SV2B: variants seen among roughly 807,000 people sequenced by gnomAD.
SV2B encodes solute carrier family 22 member B2.
A neutral mutation model predicts 73.9 loss-of-function variants in SV2B; 41 were observed. The ratio of observed to expected loss-of-function variants is 0.56; its 90% CI spans 0.43 to 0.72. The LOEUF (loss-of-function observed/expected upper bound fraction) is 0.72, where lower values mean the gene tolerates loss of function less well. Ranked by LOEUF, SV2B falls within the 30% of genes least tolerant of loss-of-function variation. The probability of loss-of-function intolerance (pLI) is 0.00; values close to 1 mark genes in which losing one functional copy is unlikely to be tolerated. For missense variants in SV2B, 764 were observed against 857.8 expected (o/e 0.89, Z 1.37); for synonymous variants, 314 against 314.2 (o/e 1.00, Z 0.01).
chr15:91,221,996 C>T lies in SV2B; in HGVS notation c.-391-3877C>T, dbSNP rs2046235717. On this transcript the variant is annotated intron_variant, in intron 1 of 12. Transcript: ENST00000394232. ...TCAACTGCTGTAGGCCACCTGGTCTCTTCATTCTGCCAAGACAAGCAAAGC... is the reference window on the plus strand; with the variant it reads ...TCAACTGCTGTAGGCCACCTGGTCTTTTCATTCTGCCAAGACAAGCAAAGC... Among the ~76,000 whole-genome samples the T allele has an allele frequency of 2.6e-5, 4 of 152,212 alleles. No homozygotes were observed. In the South Asian group the frequency reaches 8.3e-4, roughly 32 times the overall value.
Position 91,294,316 on chromosome 15 carries a change from G to A in SV2B, c.*1764G>A, listed in dbSNP as rs1451866483. The A allele has an allele frequency of 3.3e-5, 5 of 152,058 alleles. No homozygotes were observed. Among genetic ancestry groups the A allele is most frequent in the African/African-American group, 9.7e-5 (4 of 41,402 alleles). 9.4% of individuals were successfully genotyped at this position (152,058 alleles called of 1,614,324 possible). A position where few individuals can be genotyped will look rare whatever the true frequency, so the allele number is the denominator to read the frequency against. Reference sequence around the variant, plus strand: ...AATCTTATGACACCTTTCCACCGTCGATTTGAGATCAGTTTTAATGGTTAA... The same window carrying A: ...AATCTTATGACACCTTTCCACCGTCAATTTGAGATCAGTTTTAATGGTTAA... On this transcript the variant is annotated 3_prime_UTR_variant, in exon 13 of 13. Transcript: ENST00000394232. This position sits in a 1 kb window ranked among gnomAD's most constrained non-coding sequence, Gnocchi z 4.1.
intron 1 of SV2B, among the ~76,000 whole-genome samples, chr15:91,108,434 G>T (rs1225783011): frequency 2.0e-5 from 3 of 152,234 alleles, no homozygotes; most frequent in Admixed American, 6.5e-5. Flanking sequence ...TGATGCCTTT[G>T]TGGCTCCCAC....
Position 91,267,257 on chromosome 15 carries a change from C to A in SV2B, c.1120-298C>A, listed in dbSNP as rs1410409112. Among the ~76,000 whole-genome samples, 1 of 152,182 alleles carries A rather than the reference C, an allele frequency of 6.6e-6. No homozygotes were observed. ...CAGGCAGGGAGTAGAACTCAGCAGT[C>A]AAGGTTACTCAGTGCCTTGAAGTCC... On this transcript the variant is annotated intron_variant, in intron 7 of 12. Transcript: ENST00000394232. The surrounding 1 kb of genome is among the most constrained non-coding windows in gnomAD (Gnocchi z 4.3).
intron 4 of SV2B, among the ~76,000 whole-genome samples, chr15:91,254,979 C>T (rs1183154600): frequency 6.6e-6 from 1 of 152,164 alleles, no homozygotes; most frequent in East Asian, 1.9e-4. Flanking sequence ...CCACTATACA[C>T]CAAGAGATGC....
At position 91,290,013 on chromosome 15, in the gene SV2B, CA is replaced by C. The variant is rs1178009221; in HGVS notation, c.1868+339del. Among the ~76,000 whole-genome samples, 2 of 151,836 alleles carry C rather than the reference CA, an allele frequency of 1.3e-5. No individual in the cohort carries two copies. The highest frequency in any genetic ancestry group is 2.9e-5 in the Non-Finnish European group (2 of 67,956). On this transcript the variant is annotated intron_variant, in intron 12 of 12. Coordinates refer to ENST00000394232, the MANE Select transcript of SV2B (RefSeq NM_001323032.3). The surrounding 1 kb of genome is among the most constrained non-coding windows in gnomAD (Gnocchi z 4.7). ...AACAGACCTTCAAGGGGAGATAAGG[CA>C]AAAAAGTGAAGAGCTGGAATAGCAC...
At chr15:91,237,357 G>A (rs1056908193) in intron 2 of SV2B, among the ~76,000 whole-genome samples, 1 of 152,166 alleles carries the variant, frequency 6.6e-6, no homozygotes, top group African/African-American at 2.4e-5. Context: ...GTAGCACCCT[G>A]CTCCCAGTTG....
At chr15:91,216,812 C>T (rs1217114108) in intron 1 of SV2B, among the ~76,000 whole-genome samples, 4 of 149,696 alleles carry the variant, frequency 2.7e-5, no homozygotes, top group African/African-American at 9.9e-5. Context: ...TAAACCAGTT[C>T]ATCTATTTAT....
Position 91,140,663 on chromosome 15 carries a change from C to T in SV2B, c.-392+40300C>T, listed in dbSNP as rs996988080. Among the ~76,000 whole-genome samples the T allele has an allele frequency of 6.6e-6, 1 of 152,152 alleles. No homozygotes were observed. Among genetic ancestry groups the T allele is most frequent in the Non-Finnish European group, 1.5e-5 (1 of 68,030 alleles). On this transcript the variant is annotated intron_variant, in intron 1 of 12. Transcript: ENST00000394232. The surrounding 1 kb of genome is among the most constrained non-coding windows in gnomAD (Gnocchi z 4.4). ...GTCTGACAGTCAGTTTTTCTTTCCA[C>T]ACTAGGCTTCCTGGACTAACCAGGA... is the stretch of plus-strand genomic sequence containing the variant.
rs1476963428 is a variant in SV2B at position 91,280,605 on chromosome 15, G to A, written c.1374-1123G>A. On this transcript the variant is annotated intron_variant, in intron 9 of 12. Transcript: ENST00000394232. The surrounding 1 kb of genome is among the most constrained non-coding windows in gnomAD (Gnocchi z 5.8). ...TAAATATAGCCAACAGAGGAAGATG[G>A]TAATGTATGTGAGATACATTTTTAA... Among the ~76,000 whole-genome samples the A allele has an allele frequency of 6.6e-6, 1 of 152,204 alleles. No individual in the cohort carries two copies. The highest frequency in any genetic ancestry group is 2.4e-5 in the African/African-American group (1 of 41,444).
intron 1 of SV2B, among the ~76,000 whole-genome samples, chr15:91,196,121 C>T (rs1245518573): frequency 6.6e-6 from 1 of 152,220 alleles, no homozygotes; most frequent in Non-Finnish European, 1.5e-5. Context: ...ATAGCTCACA[C>T]AGGCCAAGAT....
chr15:91,218,688 A>G (rs2046115499), intron 1 of SV2B, among the ~76,000 whole-genome samples: 3 of 152,284 alleles, frequency 2.0e-5, no homozygotes, highest in African/African-American at 7.2e-5. Context: ...GGAGTACCCA[A>G]GGGTATCCAG....
chr15:91,204,600 A>G (rs1430599295), intron 1 of SV2B, among the ~76,000 whole-genome samples: 1 of 121,612 alleles, frequency 8.2e-6, no homozygotes, highest in Non-Finnish European at 1.6e-5. Flanking sequence ...TCTGTTGTCT[A>G]TACTAGAGCA....
chr15:91,171,654 A>G lies in SV2B; in HGVS notation c.-391-54219A>G, dbSNP rs547390429. Among the ~76,000 whole-genome samples, 6 of 152,272 alleles carry G rather than the reference A, an allele frequency of 3.9e-5. No individual in the cohort carries two copies. In the South Asian group the frequency reaches 1.0e-3, roughly 26 times the overall value. On this transcript the variant is annotated intron_variant, in intron 1 of 12. Transcript: ENST00000394232. Reference sequence around the variant, plus strand: ...TACAGACCCAGCGAAAATGCTCATCATCTCTCCTCGTGATTAGTGTGGATT... The same window carrying G: ...TACAGACCCAGCGAAAATGCTCATCGTCTCTCCTCGTGATTAGTGTGGATT...
In SV2B at chr15:91,220,377, G is replaced by A. The variant is rs1305323182; in HGVS notation, c.-391-5496G>A. Among the ~76,000 whole-genome samples the A allele has an allele frequency of 2.0e-5, 3 of 152,166 alleles. No individual in the cohort carries two copies. The highest frequency in any genetic ancestry group is 2.9e-5 in the Non-Finnish European group (2 of 68,026). The stretch of plus-strand genomic sequence containing the variant: ...TTCTCATAGCCTTTAATATAGCAAT[G>A]TGCATTGTGCATTTCTGAAAGAGAA... On this transcript the variant is annotated intron_variant, in intron 1 of 12. Coordinates refer to ENST00000394232, the MANE Select transcript of SV2B (RefSeq NM_001323032.3). The surrounding 1 kb of genome is among the most constrained non-coding windows in gnomAD (Gnocchi z 4.1).
chr15:91,287,578 TC>T (rs1429941900), intron 11 of SV2B, among the ~76,000 whole-genome samples: 4 of 152,194 alleles, frequency 2.6e-5, no homozygotes, highest in African/African-American at 7.2e-5. Flanking sequence ...GGATGGGATC[TC>T]CTATCAGCTC....
In SV2B at chr15:91,252,240, G is replaced by A. The variant is rs1187837717; in HGVS notation, c.633-129G>A. 14 of 1,306,872 alleles carry A rather than the reference G, an allele frequency of 1.1e-5. No individual in the cohort carries two copies. In the East Asian group the frequency reaches 3.3e-4, roughly 31 times the overall value. 81.0% of individuals were successfully genotyped at this position (1,306,872 alleles called of 1,614,324 possible). ...CCCACATGTAGAGAGGAACTAACTG[G>A]CCGGTCTCTCAAATTCACTGGGTCC... On this transcript the variant is annotated intron_variant, in intron 3 of 12. Transcript: ENST00000394232. The surrounding 1 kb of genome is among the most constrained non-coding windows in gnomAD (Gnocchi z 4.6).
chr15:91,108,174 G>T (rs2151723050), intron 1 of SV2B, among the ~76,000 whole-genome samples: 1 of 152,256 alleles, frequency 6.6e-6, no homozygotes, highest in Admixed American at 6.5e-5. Flanking sequence ...AGAATTTGAT[G>T]TTCACAGTGC....
intron 1 of SV2B, among the ~76,000 whole-genome samples, chr15:91,204,158 G>A (rs1267119865): frequency 6.6e-6 from 1 of 152,148 alleles, no homozygotes; most frequent in Non-Finnish European, 1.5e-5. Flanking sequence ...GTGCGGGACT[G>A]CTCCCTCTGA....
rs2046608858 is a variant in SV2B, at chr15:91,232,318, A to C, written c.451+5604A>C. 6.6e-6 allele frequency among the ~76,000 whole-genome samples: 1 copy of C among 152,226 alleles called. No individual in the cohort carries two copies. Among genetic ancestry groups the C allele is most frequent in the Non-Finnish European group, 1.5e-5 (1 of 68,038 alleles). ...TTTAGATCATGTAATTCTTCAGGAT[A>C]GACTGATTACTTGATGCTCTTGTGA... On this transcript the variant is annotated intron_variant, in intron 2 of 12. Coordinates refer to ENST00000394232, the MANE Select transcript of SV2B (RefSeq NM_001323032.3). The surrounding 1 kb of genome is among the most constrained non-coding windows in gnomAD (Gnocchi z 4.7).
Sources: allele counts gnomAD v4.1 joint callset (sites outside exome capture counted in the v4.1 genomes callset), GRCh38; gene constraint gnomAD v4.1.1; non-coding constraint Gnocchi (gnomAD v3.1); transcripts MANE v1.5; gene names NCBI Gene and HGNC (gene_info 2026-07-23, HGNC 2026-07-21).